ATG10: variants seen among roughly 807,000 people sequenced by gnomAD.
The protein encoded by ATG10 is autophagy related 10, also known as ubiquitin-like-conjugating enzyme ATG10.
A neutral mutation model predicts 32.1 loss-of-function variants in ATG10; 30 were observed. The observed-to-expected ratio is 0.94, with a 90% CI of 0.70 to 1.27. ATG10 has a LOEUF of 1.27. Among genes scored for constraint, ATG10 ranks in the 50% most tolerant of loss-of-function variants. The pLI is 0.00. For synonymous variants in ATG10, 87 were observed against 91.5 expected (o/e 0.95, Z 0.28); for missense variants, 233 against 262.3 (o/e 0.89, Z 0.77).
intron 2 of ATG10, among the ~76,000 whole-genome samples, chr5:82,020,158 C>T (rs984388630): frequency 6.6e-6 from 1 of 152,184 alleles, no homozygotes; most frequent in African/African-American, 2.4e-5. Flanking sequence ...TTAAACCAGT[C>T]GATGTCCCTC....
At chr5:82,169,690 C>G (rs186725630) in intron 4 of ATG10, among the ~76,000 whole-genome samples, 1 of 152,218 alleles carries the variant, frequency 6.6e-6, no homozygotes, top group Admixed American at 6.5e-5. Flanking sequence ...GACAGTAAAT[C>G]TAGCCAAGGT....
chr5:82,109,252 G>A (rs1765537968), intron 3 of ATG10, among the ~76,000 whole-genome samples: 1 of 152,012 alleles, frequency 6.6e-6, no homozygotes, highest in Admixed American at 6.6e-5. Flanking sequence ...ATAAAAGAGG[G>A]TGCCATCGCA....
chr5:82,124,553 G>A (rs911450546), intron 3 of ATG10, among the ~76,000 whole-genome samples: 5 of 151,678 alleles, frequency 3.3e-5, no homozygotes, highest in African/African-American at 1.2e-4. Flanking sequence ...GTGGTGTTTG[G>A]TTTTCTGTTC....
chr5:82,080,845 G>T (rs1272941545), intron 3 of ATG10, among the ~76,000 whole-genome samples: 1 of 152,116 alleles, frequency 6.6e-6, no homozygotes, highest in Non-Finnish European at 1.5e-5. Flanking sequence ...TGGCAGTGTG[G>T]GCTCTTTTTT....
intron 5 of ATG10, among the ~76,000 whole-genome samples, chr5:82,208,258 TC>T (rs1745373927): frequency 5.7e-5 from 6 of 105,424 alleles, no homozygotes; most frequent in African/African-American, 2.5e-4. Context: ...TCCTAACTAT[TC>T]TTTTTTTTTT....
rs567962216 is a variant in ATG10 at position 82,029,169 on chromosome 5, G to A, written c.109-29326G>A. On this transcript the variant is annotated intron_variant, in intron 2 of 7. Coordinates refer to ENST00000282185, the MANE Select transcript of ATG10 (RefSeq NM_031482.5). ...ATGGCACTTGTAGAGTACAATTTAA[G>A]TTTGAATTATCCAAATTCTGGTTAA... Among the ~76,000 whole-genome samples, 235 of 152,270 alleles carry A rather than the reference G, an allele frequency of 1.5e-3. 1 individual carries two copies. Among genetic ancestry groups the A allele is most frequent in the Non-Finnish European group, 2.3e-3 (154 of 68,022 alleles).
intron 5 of ATG10, among the ~76,000 whole-genome samples, chr5:82,212,983 A>G (rs1252801702): frequency 6.6e-6 from 1 of 152,142 alleles, no homozygotes; most frequent in Non-Finnish European, 1.5e-5. Context: ...GCAATACGAT[A>G]ATTTTATGGT....
intron 3 of ATG10, among the ~76,000 whole-genome samples, chr5:82,141,353 A>G (rs1313780595): frequency 6.6e-6 from 1 of 152,190 alleles, no homozygotes; most frequent in Non-Finnish European, 1.5e-5. Flanking sequence ...ACTTGATTCA[A>G]TCACAATCAT....
intron 2 of ATG10, among the ~76,000 whole-genome samples, chr5:82,001,807 G>C (rs1195775010): frequency 2.6e-5 from 4 of 152,154 alleles, no homozygotes; most frequent in Admixed American, 1.3e-4. Context: ...TTAAACAAGA[G>C]TTTCTGTACA....
chr5:82,186,178 C>T (rs1335230809), intron 5 of ATG10, among the ~76,000 whole-genome samples: 3 of 152,098 alleles, frequency 2.0e-5, no homozygotes. Context: ...CATGGTGGAG[C>T]TTTATTTAAA....
At chr5:82,075,907 C>T (rs1291935278) in intron 3 of ATG10, among the ~76,000 whole-genome samples, 2 of 152,116 alleles carry the variant, frequency 1.3e-5, no homozygotes, top group Admixed American at 1.3e-4. Context: ...TGGACTCCAG[C>T]CTGGACGACA....
intron 5 of ATG10, among the ~76,000 whole-genome samples, chr5:82,225,722 C>G (rs185996177): frequency 1.3e-5 from 2 of 152,138 alleles, no homozygotes; most frequent in Non-Finnish European, 2.9e-5. Flanking sequence ...TAAGGAGTGT[C>G]TCTGTGCCTA....
intron 1 of ATG10, among the ~76,000 whole-genome samples, chr5:81,978,553 A>G (rs1405934226): frequency 6.6e-6 from 1 of 152,132 alleles, no homozygotes; most frequent in Non-Finnish European, 1.5e-5. Context: ...GTGGTGGAAC[A>G]TTTTTTCTTA....
chr5:81,997,671 G>A (rs1234898166), intron 2 of ATG10, among the ~76,000 whole-genome samples: 1 of 152,074 alleles, frequency 6.6e-6, no homozygotes, highest in Admixed American at 6.6e-5. Flanking sequence ...TAGAAGAAAT[G>A]GCCATTTTTA....
chr5:82,215,224 T>C (rs1460350046), intron 5 of ATG10, among the ~76,000 whole-genome samples: 2 of 152,190 alleles, frequency 1.3e-5, no homozygotes, highest in African/African-American at 4.8e-5. Flanking sequence ...CCATGTGGGC[T>C]TCTCCATAGA....
At chr5:82,234,669 CCA>C (rs1472968832) in intron 5 of ATG10, among the ~76,000 whole-genome samples, 1 of 152,182 alleles carries the variant, frequency 6.6e-6, no homozygotes, top group Non-Finnish European at 1.5e-5. Flanking sequence ...TCTCTAAACC[CCA>C]GTTTCCTTAT....
intron 3 of ATG10, among the ~76,000 whole-genome samples, chr5:82,101,818 G>T (rs1765282421): frequency 1.3e-5 from 2 of 152,154 alleles, no homozygotes; most frequent in African/African-American, 2.4e-5. Context: ...ATATACCTAT[G>T]CAGAAGCCAT....
intron 2 of ATG10, among the ~76,000 whole-genome samples, chr5:82,033,896 T>G (rs1001361636): frequency 1.3e-5 from 2 of 149,818 alleles, no homozygotes; most frequent in African/African-American, 2.4e-5. Flanking sequence ...TTTATAGATG[T>G]ATATATGTAC....
chr5:82,145,537 A>T (rs983111791), intron 3 of ATG10, among the ~76,000 whole-genome samples: 1 of 152,238 alleles, frequency 6.6e-6, no homozygotes, highest in East Asian at 1.9e-4. Context: ...TTCATTAGTC[A>T]TATTCTTCAC....
Sources: allele counts gnomAD v4.1 joint callset (sites outside exome capture counted in the v4.1 genomes callset), GRCh38; gene constraint gnomAD v4.1.1; transcripts MANE v1.5; gene names NCBI Gene and HGNC (gene_info 2026-07-23, HGNC 2026-07-21).